F8: variants seen among roughly 807,000 people sequenced by gnomAD.
F8 encodes antihemophilic factor.
F8 carries 12 observed loss-of-function variants against 140.6 expected under a neutral mutation model. That is an observed-to-expected ratio of 0.09 (90% CI 0.05 to 0.14). The LOEUF (loss-of-function observed/expected upper bound fraction) is 0.14. F8 is among the 10% of genes least tolerant of loss of function. The pLI is 1.00. For synonymous variants in F8, 585 were observed against 614.6 expected, an observed-to-expected ratio of 0.95 and a Z score of 0.71; for missense variants, 1,354 against 1,720.7, an observed-to-expected ratio of 0.79 and a Z score of 3.77.
intron 22 of F8, among the ~76,000 whole-genome samples, chrX:154,876,183 G>T (rs781942965): frequency 7.3e-4 from 74 of 101,622 alleles, no homozygotes; most frequent in African/African-American, 2.6e-3. Context: ...GCCGTGGCGC[G>T]ATCTCGGCTC....
At chrX:154,990,031 T>C (rs1480871414) in intron 4 of F8, among the ~76,000 whole-genome samples, 1 of 112,523 alleles carries the variant, frequency 8.9e-6, no homozygotes, top group Non-Finnish European at 1.9e-5. Flanking sequence ...TTGCATCATA[T>C]ATCCTTTTCC....
intron 18 of F8, 122 bp from the exon 19 acceptor site, chrX:154,902,289 A>T (rs1185923013): frequency 3.6e-6 from 2 of 556,850 alleles, no homozygotes; most frequent in Non-Finnish European, 3.2e-6. Flanking sequence ...CTACTTTTGG[A>T]CCCCTCAAAT....
rs149766759 is a variant in F8, at chrX:155,018,755, T to C, written c.143+3655A>G. On this transcript the variant is annotated intron_variant, in intron 1 of 25. Transcript: ENST00000360256. ...GTATATAATTATTGGAAGTTGAAACTTGAATTGACTGATTATCATAGAAGA... is the reference window on the plus strand; with the variant it reads ...GTATATAATTATTGGAAGTTGAAACCTGAATTGACTGATTATCATAGAAGA... Among the ~76,000 whole-genome samples the C allele has an allele frequency of 4.0e-3, 449 of 112,212 alleles. 1 individual carries two copies. The highest frequency in any genetic ancestry group is 0.014 in the Middle Eastern group (3 of 217).
In F8 at chrX:154,899,868, T is replaced by G; in HGVS notation, c.6271A>C (p.Lys2091Gln). 8.3e-7 allele frequency: 1 copy of G among 1,209,293 alleles called. No individual in the cohort carries two copies. The highest frequency in any genetic ancestry group is 1.8e-5 in the South Asian group (1 of 56,933). The change falls in exon 21 of 26, where the codon AAG becomes CAG. Residue 2091 changes from lysine to glutamine, a missense_variant and splice_region_variant. Transcript: ENST00000360256. ...WSTKEPFSWI[K>Q]VDLLAPMIIH... ...CATCATTGATTACATTTTCTAACCTTGATCCAAGAAAAGGGCTCCTTGGTG... is the reference window on the plus strand; with the variant it reads ...CATCATTGATTACATTTTCTAACCTGGATCCAAGAAAAGGGCTCCTTGGTG...
chrX:154,933,607 T>C (rs999013166), intron 13 of F8, among the ~76,000 whole-genome samples: 16 of 112,416 alleles, frequency 1.4e-4, no homozygotes, highest in African/African-American at 4.8e-4. Flanking sequence ...AACATATTTG[T>C]ACCTTGTTTA....
chrX:154,864,254 C>G (rs1195159793), intron 22 of F8, among the ~76,000 whole-genome samples: 3 of 112,810 alleles, frequency 2.7e-5, no homozygotes, highest in African/African-American at 9.7e-5. Context: ...AGGCCCACTG[C>G]ATCATGGTCT....
chrX:154,868,001 T>C (rs782164636), intron 22 of F8, among the ~76,000 whole-genome samples: 2 of 111,933 alleles, frequency 1.8e-5, no homozygotes, highest in Admixed American at 9.4e-5. Context: ...CCATTCATAA[T>C]AAAAACTTTC....
intron 14 of F8, among the ~76,000 whole-genome samples, chrX:154,914,755 G>A (rs187602958): frequency 3.0e-4 from 34 of 111,719 alleles, no homozygotes; most frequent in African/African-American, 9.4e-4. Context: ...AGATTTTCCT[G>A]TCTTCTTCTG....
intron 11 of F8, 28 bp from the exon 12 acceptor site, chrX:154,954,070 A>G: frequency 8.4e-7 from 1 of 1,197,432 alleles, no homozygotes; most frequent in Non-Finnish European, 1.1e-6. Context: ...TGAAAGGGGT[A>G]AAGAAATGCT....
chrX:154,845,198 A>G (rs2148559288), intron 25 of F8, among the ~76,000 whole-genome samples: 1 of 111,786 alleles, frequency 8.9e-6, no homozygotes, highest in Non-Finnish European at 1.9e-5. Flanking sequence ...GTTTGCCAGT[A>G]TTTTATTGAG....
intron 25 of F8, among the ~76,000 whole-genome samples, chrX:154,842,130 T>C (rs1490800949): frequency 2.7e-5 from 3 of 111,755 alleles, no homozygotes; most frequent in Non-Finnish European, 5.7e-5. Flanking sequence ...GAAAGAACAT[T>C]TAATATTAAT....
chrX:154,909,071 G>A, intron 14 of F8: 2 of 274,245 alleles, frequency 7.3e-6, no homozygotes, highest in Non-Finnish European at 1.4e-5. Context: ...ATATTGCCAT[G>A]ATAAACATCT....
Position 154,837,460 on chromosome X carries a change from G to T in F8, c.*137C>A. ...CCCACCAAAGAAATGCAGGACTGAT[G>T]ATAGTTAATTCAGGAGGCTTCAAGG... On this transcript the variant is annotated 3_prime_UTR_variant, in exon 26 of 26. Transcript: ENST00000360256. 2.9e-6 allele frequency: 2 copies of T among 700,618 alleles called. No homozygotes were observed. Among genetic ancestry groups the T allele is most frequent in the Non-Finnish European group, 4.3e-6 (2 of 463,953 alleles). 57.7% of individuals were successfully genotyped at this position (700,618 alleles called of 1,213,427 possible). A position where few individuals can be genotyped will look rare whatever the true frequency, so the allele number is the denominator to read the frequency against.
At chrX:154,918,989 T>A (rs1404196336) in intron 14 of F8, 2 of 111,940 alleles carry the variant, frequency 1.8e-5, no homozygotes, top group African/African-American at 3.3e-5. Flanking sequence ...AATTTTTCAA[T>A]GGTTCCTTTG....
At chrX:154,946,718 C>T (rs1444440818) in intron 13 of F8, among the ~76,000 whole-genome samples, 1 of 111,249 alleles carries the variant, frequency 9.0e-6, no homozygotes, top group Non-Finnish European at 1.9e-5. Context: ...CAAAAGTAGA[C>T]AAATGGGATT....
At chrX:155,002,725 A>G (rs2073653135) in intron 1 of F8, among the ~76,000 whole-genome samples, 1 of 111,685 alleles carries the variant, frequency 9.0e-6, no homozygotes, top group African/African-American at 3.3e-5. Flanking sequence ...TCTTTTGCAT[A>G]TATAGCCAGA....
At chrX:154,925,163 C>A (rs1309971219) in intron 14 of F8, among the ~76,000 whole-genome samples, 1 of 112,585 alleles carries the variant, frequency 8.9e-6, no homozygotes, top group African/African-American at 3.2e-5. Context: ...ATTTTCCAAA[C>A]TTTTATGCTC....
chrX:155,019,842 G>A lies in F8; in HGVS notation c.143+2568C>T, dbSNP rs782367106. On this transcript the variant is annotated intron_variant, in intron 1 of 25. Coordinates refer to ENST00000360256, the MANE Select transcript of F8 (RefSeq NM_000132.4). Reference sequence around the variant, plus strand: ...ACAAACCAATAGCTTATCTCTATTTGGTACTAAGCACTCATAAATGGAAAT... The same window carrying A: ...ACAAACCAATAGCTTATCTCTATTTAGTACTAAGCACTCATAAATGGAAAT... Among the ~76,000 whole-genome samples the A allele has an allele frequency of 8.1e-5, 9 of 110,660 alleles. No homozygotes were observed. The South Asian group carries it at 3.5e-3, about 43-fold the overall frequency.
At chrX:154,999,623 C>T (rs1287361602) in intron 1 of F8, 23 bp from the exon 2 acceptor site, 2 of 1,192,390 alleles carry the variant, frequency 1.7e-6, no homozygotes, top group Admixed American at 2.2e-5. Context: ...AGGAAAAAGT[C>T]GTTCATTTTG....
Sources: gnomAD v4.1 joint callset for allele counts (sites outside exome capture counted in the v4.1 genomes callset) on GRCh38, gnomAD v4.1.1 for gene constraint, MANE v1.5 for transcripts, NCBI Gene and HGNC (gene_info 2026-07-23, HGNC 2026-07-21) for gene names.